The following SAMD5 variants were observed in gnomAD, a reference collection of about 807,000 sequenced individuals.
SAMD5 encodes sterile alpha motif domain-containing protein 5.
In SAMD5, 13 loss-of-function variants were observed where a neutral mutation model predicts 11.3. The ratio of observed to expected loss-of-function variants is 1.15; its 90% CI spans 0.75 to 1.83. The LOEUF is 1.83. Ranked by LOEUF, SAMD5 falls within the 40% of genes most tolerant of loss-of-function variation. SAMD5 has a pLI of 0.00. For missense variants in SAMD5, 255 were observed against 239.1 expected, an observed-to-expected ratio of 1.07 and a Z score of -0.44; for synonymous variants, 129 against 111.3, an observed-to-expected ratio of 1.16 and a Z score of -1.00.
the SAMD5 span, among the ~76,000 whole-genome samples, chr6:147,769,110 G>A: frequency 2.0e-5 from 3 of 152,194 alleles, no homozygotes; most frequent in Admixed American, 2.0e-4. Flanking sequence ...GCATTGTAAG[G>A]TGAGTGTCAT....
chr6:147,679,905 C>A (rs190736472), intron 1 of SAMD5, among the ~76,000 whole-genome samples: 113 of 151,368 alleles, frequency 7.5e-4, no homozygotes, highest in African/African-American at 2.5e-3. Context: ...TTTCAAAAAT[C>A]AATTGACCAT....
chr6:147,837,598 G>A, the SAMD5 span, among the ~76,000 whole-genome samples: 3 of 152,176 alleles, frequency 2.0e-5, no homozygotes, highest in Non-Finnish European at 2.9e-5. Flanking sequence ...CCACAATGGC[G>A]GCTGGCCTTA....
chr6:147,878,589 A>ATC, the SAMD5 span, among the ~76,000 whole-genome samples: 1 of 146,774 alleles, frequency 6.8e-6, no homozygotes, highest in East Asian at 2.0e-4. Flanking sequence ...CTATATAGAT[A>ATC]TATATACATA....
Position 147,692,661 on chromosome 6 carries a change from C to G in SAMD5, c.163-44656C>G, listed in dbSNP as rs115676354. ...CTTGTAGCAAACACCTTTTAAGATG[C>G]AATTGGCCAGTGACACAAGTGTGGT... On this transcript the variant is annotated intron_variant, in intron 1 of 1. Coordinates refer to the SAMD5 transcript ENST00000566741. Among the ~76,000 whole-genome samples the G allele has an allele frequency of 1.9e-3, 283 of 152,282 alleles. 1 individual carries two copies. The highest frequency in any genetic ancestry group is 6.5e-3 in the African/African-American group (271 of 41,556).
At chr6:147,865,006 A>G in the SAMD5 span, among the ~76,000 whole-genome samples, 1 of 152,226 alleles carries the variant, frequency 6.6e-6, no homozygotes, top group African/African-American at 2.4e-5. Context: ...CAGAGCCTTT[A>G]CTATGCTAAT....
chr6:147,939,259 A>C, the SAMD5 span, among the ~76,000 whole-genome samples: 165 of 152,080 alleles, frequency 1.1e-3, no homozygotes, highest in Non-Finnish European at 2.0e-3. Flanking sequence ...TCTGAACCCC[A>C]TTGTTGAGGG....
intron 1 of SAMD5, among the ~76,000 whole-genome samples, chr6:147,606,448 G>A (rs1399247582): frequency 6.6e-6 from 1 of 151,706 alleles, no homozygotes; most frequent in Non-Finnish European, 1.5e-5. Flanking sequence ...AGGCCTGATG[G>A]CCCACGGTAA....
chr6:147,642,636 T>C (rs1790329967), intron 1 of SAMD5, among the ~76,000 whole-genome samples: 1 of 152,216 alleles, frequency 6.6e-6, no homozygotes, highest in Admixed American at 6.5e-5. Context: ...CCCTTTCATT[T>C]TCCAGATAAG....
At chr6:147,838,882 A>T in the SAMD5 span, among the ~76,000 whole-genome samples, 1 of 152,246 alleles carries the variant, frequency 6.6e-6, no homozygotes, top group Middle Eastern at 3.2e-3. Context: ...CAATGCGGCT[A>T]CAGGAGGCCT....
the SAMD5 span, among the ~76,000 whole-genome samples, chr6:147,913,881 A>G: frequency 1.3e-5 from 2 of 152,212 alleles, no homozygotes; most frequent in East Asian, 3.9e-4. Context: ...GTGTGGGTGC[A>G]TGTGCGTGCT....
At chr6:147,847,650 C>T in the SAMD5 span, among the ~76,000 whole-genome samples, 12 of 152,104 alleles carry the variant, frequency 7.9e-5, no homozygotes, top group African/African-American at 2.9e-4. Flanking sequence ...GTCAGGAGTT[C>T]GAGACCAGCC....
intron 1 of SAMD5, among the ~76,000 whole-genome samples, chr6:147,633,088 G>A (rs1484117206): frequency 6.6e-6 from 1 of 152,112 alleles, no homozygotes; most frequent in Non-Finnish European, 1.5e-5. Context: ...AGAAATACAG[G>A]CACTTTCAGT....
At chr6:147,624,529 C>T (rs1790022092) in intron 1 of SAMD5, among the ~76,000 whole-genome samples, 1 of 152,220 alleles carries the variant, frequency 6.6e-6, no homozygotes. Context: ...ATAATAGTCT[C>T]CTATCCCATC....
At chr6:147,516,508 A>G (rs1190259668) in intron 1 of SAMD5, among the ~76,000 whole-genome samples, 1 of 152,218 alleles carries the variant, frequency 6.6e-6, no homozygotes, top group Non-Finnish European at 1.5e-5. Flanking sequence ...GCTAACACTC[A>G]TGAACTTATT....
chr6:147,870,449 AGTGTGTGTGTGT>A, the SAMD5 span, among the ~76,000 whole-genome samples: 7 of 137,632 alleles, frequency 5.1e-5, no homozygotes, highest in African/African-American at 1.7e-4. Flanking sequence ...TGTGTGTGTG[AGTGTGTGTGTGT>A]GTGTGTGTGT....
At chr6:147,890,114 C>A in the SAMD5 span, among the ~76,000 whole-genome samples, 1 of 151,860 alleles carries the variant, frequency 6.6e-6, no homozygotes, top group East Asian at 1.9e-4. Flanking sequence ...GGAAGAAACA[C>A]AACACTATAA....
chr6:147,790,814 CTCTCTCT>C, the SAMD5 span, among the ~76,000 whole-genome samples: 1 of 118,148 alleles, frequency 8.5e-6, no homozygotes, highest in Non-Finnish European at 1.8e-5. Context: ...CTCTCTCTCT[CTCTCTCT>C]CTCTCTTCTC....
At chr6:147,721,648 T>C (rs954855791) in intron 1 of SAMD5, among the ~76,000 whole-genome samples, 22 of 152,198 alleles carry the variant, frequency 1.4e-4, no homozygotes, top group Non-Finnish European at 2.9e-4. Context: ...ATTTTGTAGG[T>C]TGCCTGTTTA....
chr6:147,769,293 T>C, the SAMD5 span, among the ~76,000 whole-genome samples: 3 of 152,224 alleles, frequency 2.0e-5, no homozygotes, highest in African/African-American at 7.2e-5. Context: ...TTCTAGAGAG[T>C]GAAGCTCCAT....
Sources: allele counts gnomAD v4.1 joint callset (sites outside exome capture counted in the v4.1 genomes callset), GRCh38; gene constraint gnomAD v4.1.1; transcripts MANE v1.5; gene names NCBI Gene and HGNC (gene_info 2026-07-23, HGNC 2026-07-21).